The following TRAPPC9 variants were observed in gnomAD, a reference collection of about 807,000 sequenced individuals.
The protein encoded by TRAPPC9 is IKK2 binding protein.
A neutral mutation model predicts 124.0 loss-of-function variants in TRAPPC9; 83 were observed. The observed-to-expected ratio is 0.67, with a 90% CI of 0.56 to 0.80. The LOEUF is 0.80. TRAPPC9 is among the 30% of genes least tolerant of loss of function. The pLI, the probability that TRAPPC9 is intolerant of heterozygous loss-of-function variation, is 0.00. For missense variants in TRAPPC9, 1,302 were observed against 1,508.3 expected, an observed-to-expected ratio of 0.86 and a Z score of 2.27; for synonymous variants, 638 against 617.5, an observed-to-expected ratio of 1.03 and a Z score of -0.49.
At chr8:140,270,892 G>A (rs547949356) in intron 15 of TRAPPC9, among the ~76,000 whole-genome samples, 27 of 152,360 alleles carry the variant, frequency 1.8e-4, no homozygotes, top group East Asian at 3.9e-4. Context: ...ACAGGGCCGC[G>A]GGGGCCAGGG....
At chr8:139,749,756 C>T (rs993373544) in intron 21 of TRAPPC9, among the ~76,000 whole-genome samples, 12 of 152,218 alleles carry the variant, frequency 7.9e-5, no homozygotes, top group African/African-American at 1.2e-4. Flanking sequence ...CTGCTTGAAC[C>T]GCCAGAGCCG....
At chr8:140,130,343 C>T (rs2061184399) in intron 17 of TRAPPC9, among the ~76,000 whole-genome samples, 1 of 152,186 alleles carries the variant, frequency 6.6e-6, no homozygotes, top group Non-Finnish European at 1.5e-5. Context: ...CACCACCTTA[C>T]TCAAGTGATC....
chr8:140,358,683 G>A (rs2067830009), intron 9 of TRAPPC9, among the ~76,000 whole-genome samples: 1 of 152,212 alleles, frequency 6.6e-6, no homozygotes, highest in African/African-American at 2.4e-5. Flanking sequence ...AAATTTGGGA[G>A]GTGCCAGGAC....
At chr8:140,145,894 T>C (rs756396272) in intron 17 of TRAPPC9, among the ~76,000 whole-genome samples, 9 of 152,192 alleles carry the variant, frequency 5.9e-5, no homozygotes, top group Non-Finnish European at 8.8e-5. Context: ...GCCTAAGTCT[T>C]TTTGCTGGCA....
intron 17 of TRAPPC9, among the ~76,000 whole-genome samples, chr8:140,083,045 C>T (rs1425922380): frequency 1.3e-5 from 2 of 152,184 alleles, no homozygotes; most frequent in Non-Finnish European, 2.9e-5. Flanking sequence ...ATAAAAAAAT[C>T]AGCTGGGCAT....
At chr8:140,277,027 C>T (rs893492337) in intron 14 of TRAPPC9, among the ~76,000 whole-genome samples, 1 of 152,174 alleles carries the variant, frequency 6.6e-6, no homozygotes, top group Non-Finnish European at 1.5e-5. Flanking sequence ...TTCCAATGCC[C>T]AGCTCCTCCT....
chr8:140,091,174 G>C (rs999955884), intron 17 of TRAPPC9, among the ~76,000 whole-genome samples: 2 of 152,062 alleles, frequency 1.3e-5, no homozygotes, highest in Admixed American at 1.3e-4. Flanking sequence ...CGACTCGGAG[G>C]TGGCAGCCTG....
chr8:139,895,287 G>A (rs1830597203), intron 20 of TRAPPC9, among the ~76,000 whole-genome samples: 1 of 152,194 alleles, frequency 6.6e-6, no homozygotes, highest in Non-Finnish European at 1.5e-5. Context: ...GGAAAGAGGA[G>A]AGAGAACATT....
chr8:139,926,022 T>A (rs955096597), intron 19 of TRAPPC9, among the ~76,000 whole-genome samples: 2 of 152,190 alleles, frequency 1.3e-5, no homozygotes, highest in Admixed American at 6.5e-5. Flanking sequence ...AGCCAACTGT[T>A]AGCATCTCTT....
At chr8:139,739,975 C>A (rs115866235) in intron 21 of TRAPPC9, among the ~76,000 whole-genome samples, 2 of 152,218 alleles carry the variant, frequency 1.3e-5, no homozygotes, top group African/African-American at 4.8e-5. Flanking sequence ...CTGGCCCCAC[C>A]ACCGACTGGC....
intron 17 of TRAPPC9, among the ~76,000 whole-genome samples, chr8:140,154,340 A>G (rs548971316): frequency 1.2e-4 from 18 of 152,100 alleles, no homozygotes; most frequent in Admixed American, 2.6e-4. Context: ...AGTTATCACC[A>G]TGTTTTCCCT....
At chr8:139,895,372 C>T (rs1240246103) in intron 20 of TRAPPC9, among the ~76,000 whole-genome samples, 1 of 151,968 alleles carries the variant, frequency 6.6e-6, no homozygotes, top group East Asian at 1.9e-4. Context: ...TGTATACATA[C>T]CTTTTGTGTA....
At chr8:140,259,989 A>C (rs2064362585) in intron 15 of TRAPPC9, among the ~76,000 whole-genome samples, 1 of 152,260 alleles carries the variant, frequency 6.6e-6, no homozygotes. Flanking sequence ...ATCGAAAAAG[A>C]AAACGAAGAC....
At chr8:140,404,815 TATGTGC>T (rs1176009714) in intron 6 of TRAPPC9, among the ~76,000 whole-genome samples, 1 of 152,060 alleles carries the variant, frequency 6.6e-6, no homozygotes, top group African/African-American at 2.4e-5. Context: ...AACATGTGTG[TATGTGC>T]ATGTGTGTGA....
At chr8:140,458,496 G>T, upstream of TRAPPC9, 2 of 1,578,152 alleles carry the variant, frequency 1.3e-6, no homozygotes, top group East Asian at 2.4e-5. Flanking sequence ...AGGCACGTGA[G>T]GTGCGAGCCC....
At chr8:140,069,286 C>T (rs900291576) in intron 17 of TRAPPC9, among the ~76,000 whole-genome samples, 2 of 152,176 alleles carry the variant, frequency 1.3e-5, no homozygotes, top group African/African-American at 4.8e-5. Flanking sequence ...TGGCTCAAAG[C>T]CCACTGTCAA....
intron 21 of TRAPPC9, among the ~76,000 whole-genome samples, chr8:139,746,563 G>T (rs1460882110): frequency 2.0e-5 from 3 of 152,166 alleles, no homozygotes; most frequent in Non-Finnish European, 4.4e-5. Flanking sequence ...TACAGGGGAC[G>T]AAGACACGAG....
intron 8 of TRAPPC9, among the ~76,000 whole-genome samples, chr8:140,362,297 G>A (rs920974148): frequency 1.3e-5 from 2 of 152,168 alleles, no homozygotes; most frequent in African/African-American, 4.8e-5. Flanking sequence ...TTGCGGACGT[G>A]CATACAGCTA....
At chr8:140,209,317 G>A (rs1439187807) in intron 17 of TRAPPC9, among the ~76,000 whole-genome samples, 1 of 152,204 alleles carries the variant, frequency 6.6e-6, no homozygotes, top group Non-Finnish European at 1.5e-5. Context: ...AACTGGGCAT[G>A]CTCTAGGTGC....
Sources: allele counts gnomAD v4.1 joint callset (sites outside exome capture counted in the v4.1 genomes callset), GRCh38; gene constraint gnomAD v4.1.1; transcripts MANE v1.5; gene names NCBI Gene and HGNC (gene_info 2026-07-23, HGNC 2026-07-21).